The following POPDC1 variants were observed in gnomAD, a reference collection of about 807,000 sequenced individuals.
POPDC1 encodes popeye domain-containing protein 1.
At chr6:105,110,901 G>A in the POPDC1 span, among the ~76,000 whole-genome samples, 102,444 of 152,060 alleles carry the variant, frequency 0.67, 40,461 homozygotes, top group East Asian at 0.87. Flanking sequence ...GCCCAGGCTC[G>A]TCTTGAACTC....
At chr6:105,122,664 A>G in the POPDC1 span, among the ~76,000 whole-genome samples, 1 of 152,222 alleles carries the variant, frequency 6.6e-6, no homozygotes, top group African/African-American at 2.4e-5. Flanking sequence ...CAAAAGATAA[A>G]TGTTGGGCTT....
the POPDC1 span, among the ~76,000 whole-genome samples, chr6:105,116,427 A>AC: frequency 6.6e-6 from 1 of 151,352 alleles, no homozygotes; most frequent in Non-Finnish European, 1.5e-5. Flanking sequence ...TCCATCCTCC[A>AC]CCCCCTCTTA....
At chr6:105,119,213 A>G in the POPDC1 span, among the ~76,000 whole-genome samples, 81 of 149,646 alleles carry the variant, frequency 5.4e-4, no homozygotes, top group African/African-American at 1.9e-3. Flanking sequence ...AAGTAGTGGT[A>G]AAGTGAGCAC....
chr6:105,126,450 A>C, the POPDC1 span, among the ~76,000 whole-genome samples: 3 of 151,910 alleles, frequency 2.0e-5, no homozygotes, highest in East Asian at 3.9e-4. Context: ...AAAATCAAAA[A>C]ACTTTTGCAG....
At chr6:105,133,312 T>A in the POPDC1 span, 9 of 1,511,140 alleles carry the variant, frequency 6.0e-6, no homozygotes, top group Non-Finnish European at 8.2e-6. Context: ...CTTATGTCAG[T>A]TACAGAAAAG....
the POPDC1 span, chr6:105,097,847 G>A: frequency 1.3e-5 from 2 of 152,296 alleles, no homozygotes; most frequent in South Asian, 4.1e-4. Flanking sequence ...GTCAGGGATA[G>A]TAACTGAAAA....
At chr6:105,100,259 C>T in the POPDC1 span, 1 of 152,124 alleles carries the variant, frequency 6.6e-6, no homozygotes, top group East Asian at 1.9e-4. Context: ...CCTGTAATCC[C>T]AGCACTCTGG....
the POPDC1 span, among the ~76,000 whole-genome samples, chr6:105,114,321 T>C: frequency 3.9e-5 from 6 of 152,214 alleles, no homozygotes; most frequent in African/African-American, 1.4e-4. Flanking sequence ...TGTTAATCTA[T>C]CTTATGTCAA....
the POPDC1 span, chr6:105,125,713 T>C: frequency 3.1e-5 from 26 of 831,500 alleles, no homozygotes; most frequent in Middle Eastern, 3.1e-4. Flanking sequence ...TTTAGGCCAA[T>C]AGAATCTTAC....
the POPDC1 span, among the ~76,000 whole-genome samples, chr6:105,108,957 C>T: frequency 1.3e-5 from 2 of 151,710 alleles, no homozygotes; most frequent in South Asian, 4.2e-4. Flanking sequence ...AATGTCCTCA[C>T]CTTTTAAAAC....
chr6:105,115,874 C>T, the POPDC1 span: 2 of 1,591,812 alleles, frequency 1.3e-6, no homozygotes, highest in African/African-American at 2.7e-5. Flanking sequence ...GGAGTTGAAT[C>T]ATACATTCCA....
chr6:105,100,970 G>A, the POPDC1 span: 99 of 1,216,426 alleles, frequency 8.1e-5, no homozygotes, highest in South Asian at 1.7e-3. Context: ...TCCTCCCTCC[G>A]ACTCCACCAG....
the POPDC1 span, among the ~76,000 whole-genome samples, chr6:105,130,704 T>A: frequency 3.3e-5 from 5 of 152,164 alleles, no homozygotes; most frequent in African/African-American, 1.2e-4. Context: ...AAGTACAGCT[T>A]GTTACTGTAT....
the POPDC1 span, among the ~76,000 whole-genome samples, chr6:105,117,488 G>A: frequency 6.6e-6 from 1 of 152,088 alleles, no homozygotes; most frequent in Non-Finnish European, 1.5e-5. Context: ...GCTCAGAGCT[G>A]GAAATCATAC....
the POPDC1 span, among the ~76,000 whole-genome samples, chr6:105,132,208 C>T: frequency 4.6e-5 from 7 of 152,158 alleles, no homozygotes; most frequent in Non-Finnish European, 1.0e-4. Context: ...TCAGGTAATC[C>T]ACCCACCTCG....
the POPDC1 span, among the ~76,000 whole-genome samples, chr6:105,118,371 TTTATTTA>T: frequency 6.6e-6 from 1 of 152,242 alleles, no homozygotes; most frequent in Non-Finnish European, 1.5e-5. Context: ...AAAGCTTGTG[TTTATTTA>T]TTATATCAAA....
At chr6:105,133,036 G>C in the POPDC1 span, among the ~76,000 whole-genome samples, 1 of 152,130 alleles carries the variant, frequency 6.6e-6, no homozygotes, top group Non-Finnish European at 1.5e-5. Flanking sequence ...AGTTACAGTT[G>C]ACAAGAAATA....
chr6:105,129,557 A>C, the POPDC1 span: 1 of 1,545,238 alleles, frequency 6.5e-7, no homozygotes, highest in South Asian at 1.2e-5. Flanking sequence ...CTAAGTGGGG[A>C]GCTTAATAAA....
At chr6:105,121,202 G>A in the POPDC1 span, among the ~76,000 whole-genome samples, 1 of 151,972 alleles carries the variant, frequency 6.6e-6, no homozygotes, top group Admixed American at 6.6e-5. Flanking sequence ...CTTGCAAACA[G>A]TAAAGCTCAC....
Sources: gnomAD v4.1 joint callset for allele counts (sites outside exome capture counted in the v4.1 genomes callset) on GRCh38, gnomAD v4.1.1 for gene constraint, MANE v1.5 for transcripts, NCBI Gene and HGNC (gene_info 2026-07-23, HGNC 2026-07-21) for gene names.